Variants in CSMD1 observed in about 807,000 individuals in gnomAD.
The protein encoded by CSMD1 is CUB and sushi domain-containing protein 1.
CSMD1 carries 213 observed loss-of-function variants against 417.5 expected under a neutral mutation model. That is an observed-to-expected ratio of 0.51 (90% CI 0.46 to 0.57). The LOEUF is 0.57. Ranked by LOEUF, CSMD1 falls within the 20% of genes least tolerant of loss-of-function variation. The pLI, the probability that CSMD1 is intolerant of heterozygous loss-of-function variation, is 0.00. For synonymous variants in CSMD1, 2,862 were observed against 1,736.8 expected (o/e 1.65, Z -16.11); for missense variants, 6,923 against 4,529.7 (o/e 1.53, Z -15.17).
chr8:3,387,344 T>C (rs1018398151), intron 18 of CSMD1, 150 bp downstream of exon 18: 3 of 597,234 alleles, frequency 5.0e-6, no homozygotes, highest in African/African-American at 3.7e-5. Flanking sequence ...TGATCGGGAA[T>C]GATACGATGA....
At chr8:3,914,748 A>G (rs1378823977) in intron 5 of CSMD1, among the ~76,000 whole-genome samples, 1 of 151,882 alleles carries the variant, frequency 6.6e-6, no homozygotes, top group East Asian at 1.9e-4. Flanking sequence ...TTTGACATGT[A>G]TCTGTCTTTG....
intron 11 of CSMD1, among the ~76,000 whole-genome samples, chr8:3,471,777 T>C (rs1335365487): frequency 2.0e-5 from 3 of 151,990 alleles, no homozygotes; most frequent in Admixed American, 6.6e-5. Flanking sequence ...AAAATATGTA[T>C]CTTAAGTCAA....
intron 1 of CSMD1, among the ~76,000 whole-genome samples, chr8:4,874,375 T>A (rs1802915895): frequency 6.8e-6 from 1 of 146,168 alleles, no homozygotes; most frequent in South Asian, 2.2e-4. Context: ...AGGAGATCTT[T>A]CAATCCGATT....
intron 2 of CSMD1, among the ~76,000 whole-genome samples, chr8:4,442,306 A>G (rs749898549): frequency 1.3e-5 from 2 of 152,204 alleles, no homozygotes; most frequent in Admixed American, 6.5e-5. Flanking sequence ...TAGAAAAGAA[A>G]TGAACACAAA....
rs1345779313 is a variant in CSMD1, at chr8:4,303,420, CTGTTTTTTTT to C, written c.415+116523_415+116532del. ...TCTCATTTATATATTGGGCAGGAAG[CTGTTTTTTTT>C]TTTTTTTTTTTTTTTTTTTTTTTTT... On this transcript the variant is annotated intron_variant, in intron 3 of 69. Transcript: ENST00000635120. 1.7e-3 allele frequency among the ~76,000 whole-genome samples: 155 copies of C among 92,262 alleles called. 2 individuals are homozygous for C. Among genetic ancestry groups the C allele is most frequent in the South Asian group, 7.8e-3 (21 of 2,692 alleles). The allele number at this position is 92,262 out of a possible 152,430, so 60.5% of individuals were successfully genotyped here. A position where few individuals can be genotyped will look rare whatever the true frequency, so the allele number is the denominator to read the frequency against.
At chr8:4,238,839 A>G (rs1367318762) in intron 3 of CSMD1, among the ~76,000 whole-genome samples, 1 of 152,172 alleles carries the variant, frequency 6.6e-6, no homozygotes, top group Non-Finnish European at 1.5e-5. Context: ...TCATACTAAT[A>G]AGTACATTTT....
At chr8:3,996,193 C>G (rs1179551509) in intron 5 of CSMD1, among the ~76,000 whole-genome samples, 3 of 152,174 alleles carry the variant, frequency 2.0e-5, no homozygotes, top group African/African-American at 7.2e-5. Context: ...GCTTCTACCT[C>G]TCTCCCAACC....
intron 2 of CSMD1, among the ~76,000 whole-genome samples, chr8:4,601,622 C>T (rs538861394): frequency 1.3e-5 from 2 of 152,150 alleles, no homozygotes; most frequent in Non-Finnish European, 2.9e-5. Context: ...TCAACATTTA[C>T]AGATTACAAA....
intron 3 of CSMD1, among the ~76,000 whole-genome samples, chr8:4,122,488 A>C (rs1802539957): frequency 6.6e-6 from 1 of 152,210 alleles, no homozygotes; most frequent in African/African-American, 2.4e-5. Context: ...ACGTAGATTA[A>C]GTAAACTGTC....
At chr8:3,898,620 A>G (rs1056299997) in intron 5 of CSMD1, among the ~76,000 whole-genome samples, 1 of 152,220 alleles carries the variant, frequency 6.6e-6, no homozygotes, top group Non-Finnish European at 1.5e-5. Context: ...TTACTAAATC[A>G]AAGGTGCACC....
In CSMD1 at chr8:2,955,902, ATATATG is replaced by A; in HGVS notation, c.9815-140_9815-135del. 8.8e-6 allele frequency: 5 copies of A among 566,264 alleles called. No individual in the cohort carries two copies. The East Asian group carries it at 1.3e-4, about 15-fold the overall frequency. The allele number at this position is 566,264 out of a possible 1,614,324, so 35.1% of individuals were successfully genotyped here. ...TGTATATATACATATATATACACAT[ATATATG>A]TATATTTTTTTTGGTAGAGATGAAG... On this transcript the variant is annotated intron_variant, in intron 63 of 69. Coordinates refer to ENST00000635120, the MANE Select transcript of CSMD1 (RefSeq NM_033225.6).
chr8:3,959,735 C>T (rs1191388927), intron 5 of CSMD1, among the ~76,000 whole-genome samples: 2 of 152,066 alleles, frequency 1.3e-5, no homozygotes, highest in Non-Finnish European at 2.9e-5. Flanking sequence ...GAAACTGCAG[C>T]GGGAACACAC....
chr8:2,946,871 G>A (rs75029406), intron 68 of CSMD1, among the ~76,000 whole-genome samples: 4 of 152,128 alleles, frequency 2.6e-5, no homozygotes, highest in African/African-American at 7.2e-5. Flanking sequence ...CAGTTCCTCC[G>A]CCTCCTTGCC....
In CSMD1 at chr8:2,936,083, G is replaced by A. The variant is rs1047737562; in HGVS notation, c.*2502C>T. 1 of 151,966 alleles carries A rather than the reference G, an allele frequency of 6.6e-6. No homozygotes were observed. Among genetic ancestry groups the A allele is most frequent in the Non-Finnish European group, 1.5e-5 (1 of 68,008 alleles). The allele number at this position is 151,966 out of a possible 1,614,324, so 9.4% of individuals were successfully genotyped here. ...CGTTCAACACTGCACACAACCTTAG[G>A]AAGAAACTAGGCAGAATTCTCACAC... On this transcript the variant is annotated 3_prime_UTR_variant, in exon 70 of 70. Coordinates refer to ENST00000635120, the MANE Select transcript of CSMD1 (RefSeq NM_033225.6).
At chr8:4,812,155 C>T (rs1375103572) in intron 1 of CSMD1, among the ~76,000 whole-genome samples, 6 of 152,192 alleles carry the variant, frequency 3.9e-5, no homozygotes, top group Non-Finnish European at 8.8e-5. Flanking sequence ...GTGAAGCTCA[C>T]TGGCTGCTTC....
At chr8:4,947,239 G>A (rs1411232262) in intron 1 of CSMD1, among the ~76,000 whole-genome samples, 1 of 152,146 alleles carries the variant, frequency 6.6e-6, no homozygotes, top group Admixed American at 6.5e-5. Flanking sequence ...ACTTCAAACA[G>A]TGAAATTTTT....
chr8:4,457,066 C>T (rs140752564), intron 2 of CSMD1, among the ~76,000 whole-genome samples: 3 of 151,258 alleles, frequency 2.0e-5, no homozygotes, highest in Non-Finnish European at 4.4e-5. Flanking sequence ...AAGCCCCATA[C>T]CAGGTGTGTC....
chr8:3,613,999 C>T (rs953066816), intron 8 of CSMD1, among the ~76,000 whole-genome samples: 1 of 151,796 alleles, frequency 6.6e-6, no homozygotes, highest in Non-Finnish European at 1.5e-5. Flanking sequence ...ATAACAAAAT[C>T]ACCTAGGGAG....
At chr8:4,372,427 T>C (rs745940414) in intron 3 of CSMD1, among the ~76,000 whole-genome samples, 1 of 152,088 alleles carries the variant, frequency 6.6e-6, no homozygotes, top group Non-Finnish European at 1.5e-5. Flanking sequence ...ACATATATTT[T>C]TGTATACCAT....
Sources: allele counts gnomAD v4.1 joint callset (sites outside exome capture counted in the v4.1 genomes callset), GRCh38; gene constraint gnomAD v4.1.1; transcripts MANE v1.5; gene names NCBI Gene and HGNC (gene_info 2026-07-23, HGNC 2026-07-21).